The following ATG10 variants were observed in gnomAD, a reference collection of about 807,000 sequenced individuals.
ATG10 encodes ubiquitin-like-conjugating enzyme ATG10.
Under a neutral mutation model 32.1 loss-of-function variants are expected in ATG10, and 30 were observed. The observed-to-expected ratio is 0.94, with a 90% confidence interval of 0.70 to 1.27. The LOEUF is 1.27. Ranked by LOEUF, ATG10 falls within the 50% of genes most tolerant of loss-of-function variation. ATG10 has a pLI of 0.00. For synonymous variants in ATG10, 87 were observed against 91.5 expected, an observed-to-expected ratio of 0.95 and a Z score of 0.28; for missense variants, 233 against 262.3, an observed-to-expected ratio of 0.89 and a Z score of 0.77.
At chr5:82,156,056 G>C (rs1264343801) in intron 3 of ATG10, among the ~76,000 whole-genome samples, 1 of 152,008 alleles carries the variant, frequency 6.6e-6, no homozygotes, top group Non-Finnish European at 1.5e-5. Context: ...TATAGGAGAA[G>C]ATGAAGGAAT....
At chr5:82,253,281 G>C in intron 6 of ATG10, 33 bp from the exon 7 acceptor site, 1 of 1,434,320 alleles carries the variant, frequency 7.0e-7, no homozygotes, top group Non-Finnish European at 9.8e-7. Flanking sequence ...CAATGGAAAC[G>C]TTAGCATGGC....
chr5:82,002,016 C>T (rs1041892393), intron 2 of ATG10, among the ~76,000 whole-genome samples: 5 of 152,096 alleles, frequency 3.3e-5, no homozygotes, highest in Non-Finnish European at 7.4e-5. Flanking sequence ...ACATGCACAT[C>T]GCCAAGAAGC....
rs535481471 is a variant in ATG10, at chr5:82,211,391, C to T, written c.453+32804C>T. ...GATGTAAGTGCCTCCACTCATCTAGCCCTACACGCCTGGGTACTTATATGT... is the reference window on the plus strand; with the variant it reads ...GATGTAAGTGCCTCCACTCATCTAGTCCTACACGCCTGGGTACTTATATGT... On this transcript the variant is annotated intron_variant, in intron 5 of 7. Coordinates refer to ENST00000282185, the MANE Select transcript of ATG10 (RefSeq NM_031482.5). Among the ~76,000 whole-genome samples, 6 of 152,212 alleles carry T rather than the reference C, an allele frequency of 3.9e-5. No homozygotes were observed. The East Asian group carries it at 1.2e-3, about 29-fold the overall frequency.
At chr5:82,102,072 A>T (rs1356572106) in intron 3 of ATG10, among the ~76,000 whole-genome samples, 1 of 152,184 alleles carries the variant, frequency 6.6e-6, no homozygotes, top group Non-Finnish European at 1.5e-5. Context: ...TCTGTGCCTT[A>T]TGACTTTTAT....
At chr5:82,181,260 A>T (rs1744222304) in intron 5 of ATG10, among the ~76,000 whole-genome samples, 2 of 152,192 alleles carry the variant, frequency 1.3e-5, no homozygotes, top group Non-Finnish European at 2.9e-5. Flanking sequence ...ATCTGTGAAC[A>T]GATATCCTAC....
At chr5:82,094,621 T>C (rs900389968) in intron 3 of ATG10, among the ~76,000 whole-genome samples, 6 of 152,082 alleles carry the variant, frequency 3.9e-5, no homozygotes, top group Non-Finnish European at 8.8e-5. Context: ...AATAAAAATA[T>C]TTAAAAAGTG....
chr5:82,083,676 A>G (rs534047144), intron 3 of ATG10, among the ~76,000 whole-genome samples: 1 of 152,240 alleles, frequency 6.6e-6, no homozygotes, highest in East Asian at 1.9e-4. Context: ...GTTCTGCAAT[A>G]TTTGCTGTTC....
chr5:82,165,091 C>T (rs924794348), intron 4 of ATG10, among the ~76,000 whole-genome samples: 1 of 152,210 alleles, frequency 6.6e-6, no homozygotes, highest in Non-Finnish European at 1.5e-5. Flanking sequence ...GTGGAATACC[C>T]TGTCTCCTTG....
At chr5:82,153,725 C>T (rs1476973058) in intron 3 of ATG10, among the ~76,000 whole-genome samples, 2 of 152,030 alleles carry the variant, frequency 1.3e-5, no homozygotes, top group African/African-American at 2.4e-5. Context: ...ATTTTATGTA[C>T]TTGGGGACTC....
rs375433286 is a variant in ATG10 at position 82,152,284 on chromosome 5, C to T, written c.217-12115C>T. Among the ~76,000 whole-genome samples, 46 of 152,258 alleles carry T rather than the reference C, an allele frequency of 3.0e-4. No individual in the cohort carries two copies. In the East Asian group the frequency reaches 4.6e-3, roughly 15 times the overall value. ...AGAGTCTACTTTGAATTAAGGCTGC[C>T]GCCCCAGGACTACTGAGCATATGGG... On this transcript the variant is annotated intron_variant, in intron 3 of 7. Coordinates refer to ENST00000282185, the MANE Select transcript of ATG10 (RefSeq NM_031482.5).
chr5:82,069,338 A>G (rs1217794538), intron 3 of ATG10, among the ~76,000 whole-genome samples: 1 of 152,136 alleles, frequency 6.6e-6, no homozygotes, highest in Non-Finnish European at 1.5e-5. Context: ...TAACCATTGC[A>G]TAGAGTATCA....
chr5:82,210,964 T>C (rs893081557), intron 5 of ATG10, among the ~76,000 whole-genome samples: 2 of 152,208 alleles, frequency 1.3e-5, no homozygotes, highest in Non-Finnish European at 2.9e-5. Context: ...TTGAACTAGA[T>C]GACATCTAAG....
intron 2 of ATG10, among the ~76,000 whole-genome samples, chr5:82,029,076 G>A (rs963067140): frequency 6.6e-6 from 1 of 152,150 alleles, no homozygotes; most frequent in African/African-American, 2.4e-5. Flanking sequence ...TATTCATATT[G>A]TCATAAGAAA....
At chr5:82,128,715 C>T (rs1766384676) in intron 3 of ATG10, among the ~76,000 whole-genome samples, 1 of 112,432 alleles carries the variant, frequency 8.9e-6, no homozygotes, top group African/African-American at 3.3e-5. Flanking sequence ...ATCAGACTTC[C>T]ATTACCAAGC....
chr5:82,023,147 G>C (rs72776822), intron 2 of ATG10, among the ~76,000 whole-genome samples: 4,612 of 151,868 alleles, frequency 0.03, 107 homozygotes, highest in Non-Finnish European at 0.048. Context: ...CTTCCAGTGG[G>C]AATATGATGA....
At chr5:82,095,217 G>C (rs960310197) in intron 3 of ATG10, among the ~76,000 whole-genome samples, 146 of 152,162 alleles carry the variant, frequency 9.6e-4, no homozygotes, top group Non-Finnish European at 1.4e-3. Flanking sequence ...AAGTCTGAGT[G>C]GTGGGAAGCT....
intron 2 of ATG10, among the ~76,000 whole-genome samples, chr5:81,998,156 A>G (rs1020270415): frequency 3.3e-5 from 5 of 152,214 alleles, no homozygotes; most frequent in African/African-American, 1.2e-4. Flanking sequence ...AGATCACCTA[A>G]AAAGGGAACC....
At chr5:82,122,933 T>G (rs1766102032) in intron 3 of ATG10, among the ~76,000 whole-genome samples, 1 of 152,198 alleles carries the variant, frequency 6.6e-6, no homozygotes, top group Non-Finnish European at 1.5e-5. Context: ...GTTCAACCAT[T>G]GTGAAAAGTA....
chr5:82,061,754 G>A (rs772442641), intron 3 of ATG10, among the ~76,000 whole-genome samples: 28 of 131,400 alleles, frequency 2.1e-4, no homozygotes, highest in South Asian at 5.3e-4. Flanking sequence ...GTATATATGT[G>A]TATATACATA....
Sources: allele counts gnomAD v4.1 joint callset (sites outside exome capture counted in the v4.1 genomes callset), GRCh38; gene constraint gnomAD v4.1.1; transcripts MANE v1.5; gene names NCBI Gene and HGNC (gene_info 2026-07-23, HGNC 2026-07-21).